Variants in ZNF568 observed in about 807,000 individuals in gnomAD.
The protein encoded by ZNF568 is p53 inhibitor of SCO2 activation.
Under a neutral mutation model 18.1 loss-of-function variants are expected in ZNF568, and 11 were observed. The ratio of observed to expected loss-of-function variants is 0.61; its 90% CI spans 0.38 to 1.00. The LOEUF is 1.00. Among genes scored for constraint, ZNF568 ranks in the 50% least tolerant of loss-of-function variants. The pLI, the probability that ZNF568 is intolerant of heterozygous loss-of-function variation, is 0.01. For synonymous variants in ZNF568, 213 were observed against 246.6 expected, an observed-to-expected ratio of 0.86 and a Z score of 1.28; for missense variants, 639 against 768.2, an observed-to-expected ratio of 0.83 and a Z score of 1.99.
At chr19:36,996,529 A>G in exon 5 of ZNF568, 1 of 1,536,226 alleles carries the variant, frequency 6.5e-7, no homozygotes, top group Non-Finnish European at 8.7e-7. Flanking sequence ...GTGGCTTCAT[A>G]CTGGAGAGAA....
At chr19:36,941,916 TTTTTTTAA>T (rs570886798) in intron 6 of ZNF568, among the ~76,000 whole-genome samples, 2,092 of 152,202 alleles carry the variant, frequency 0.014, 23 homozygotes, top group African/African-American at 0.025. Flanking sequence ...TATTTTTGAC[TTTTTTTAA>T]CTATCTCTTT....
In ZNF568 at chr19:36,972,883, T is replaced by C. The variant is rs1208417728; in HGVS notation, c.359-1537T>C. Among the ~76,000 whole-genome samples, 3 of 152,280 alleles carry C rather than the reference T, an allele frequency of 2.0e-5. No homozygotes were observed. In the South Asian group the frequency reaches 6.2e-4, roughly 32 times the overall value. ...TTAACTTCGCGGACTCTGGAAGCCC[T>C]GGCGGCGGGCCCGGCCGCCCCTTCC... On this transcript the variant is annotated intron_variant, in intron 6 of 7. Coordinates refer to the ZNF568 transcript ENST00000427117.
chr19:36,989,905 C>A (rs925784651), intron 2 of ZNF568, among the ~76,000 whole-genome samples: 1 of 151,892 alleles, frequency 6.6e-6, no homozygotes, highest in African/African-American at 2.4e-5. Flanking sequence ...GAAAACCAAT[C>A]CTTGCTGGAA....
chr19:36,997,566 G>A, downstream of ZNF568: 8 of 1,583,168 alleles, frequency 5.1e-6, no homozygotes, highest in Non-Finnish European at 6.8e-6. Context: ...AGGAGTGTGG[G>A]AAGCCCTTTG....
intron 3 of ZNF568, chr19:36,991,477 G>A: frequency 2.4e-6 from 2 of 834,356 alleles, no homozygotes; most frequent in South Asian, 4.9e-5. Context: ...GAAATTGGCT[G>A]TTCCAGCAGG....
rs1309208342 is a variant in ZNF568, at chr19:36,920,448, C to A, written c.-185-2138C>A. Among the ~76,000 whole-genome samples the A allele has an allele frequency of 4.6e-5, 7 of 151,730 alleles. No homozygotes were observed. The South Asian group carries it at 1.5e-3, about 32-fold the overall frequency. ...GACCAGGCTGACCAACATGGTGAAA[C>A]CCCGTCTCTACTAAAAATACAAAAA... On this transcript the variant is annotated intron_variant, in intron 2 of 6. Transcript: ENST00000333987.
At chr19:36,934,574 G>A (rs1336555687) in intron 4 of ZNF568, among the ~76,000 whole-genome samples, 5 of 151,938 alleles carry the variant, frequency 3.3e-5, no homozygotes, top group South Asian at 4.1e-4. Context: ...CGCCTGCCTC[G>A]GCCTTCCAGA....
Position 36,918,796 on chromosome 19 carries a change from C to G in ZNF568, c.-186+1148C>G, listed in dbSNP as rs144199899. Reference sequence around the variant, plus strand: ...CCTATCAAACAATAACTCTGTACCCCCCTTTCCCCCGGCCTATGGCATCTA... The same window carrying G: ...CCTATCAAACAATAACTCTGTACCCGCCTTTCCCCCGGCCTATGGCATCTA... On this transcript the variant is annotated intron_variant, in intron 2 of 6. Transcript: ENST00000333987. Among the ~76,000 whole-genome samples the G allele has an allele frequency of 6.3e-3, 961 of 152,248 alleles. 4 individuals are homozygous for G. Among genetic ancestry groups the G allele is most frequent in the South Asian group, 0.012 (59 of 4,816 alleles).
At chr19:36,962,251 A>AT (rs1383808503) in intron 6 of ZNF568, among the ~76,000 whole-genome samples, 2 of 23,866 alleles carry the variant, frequency 8.4e-5, no homozygotes, top group Non-Finnish European at 1.8e-4. Context: ...AGTTTACCTT[A>AT]TTTTCATGAT....
At chr19:36,917,946 G>GTTGTT (rs544621478) in intron 2 of ZNF568, among the ~76,000 whole-genome samples, 128 of 152,032 alleles carry the variant, frequency 8.4e-4, no homozygotes, top group African/African-American at 2.3e-3. Context: ...TGTTGTTGTT[G>GTTGTT]TTGTTTTGTT....
intron 7 of ZNF568, among the ~76,000 whole-genome samples, chr19:36,977,905 C>G (rs554193214): frequency 6.6e-6 from 1 of 152,344 alleles, no homozygotes; most frequent in South Asian, 2.1e-4. Flanking sequence ...GGAAATTCAC[C>G]TGCACTTACA....
chr19:36,921,460 CAA>C (rs909359163), intron 2 of ZNF568, among the ~76,000 whole-genome samples: 7 of 123,856 alleles, frequency 5.7e-5, no homozygotes, highest in South Asian at 2.6e-4. Flanking sequence ...AAACTCCATC[CAA>C]AAAAAAAAAA....
chr19:36,955,642 G>A (rs1600827428), downstream of ZNF568, among the ~76,000 whole-genome samples: 2 of 152,270 alleles, frequency 1.3e-5, no homozygotes, highest in East Asian at 3.9e-4. Flanking sequence ...ATGAGTTACT[G>A]CCTAGAGAGT....
exon 5 of ZNF568, chr19:36,996,464 G>A (rs2074472904): frequency 6.5e-7 from 1 of 1,536,286 alleles, no homozygotes; most frequent in African/African-American, 1.4e-5. Context: ...GGACATTTCA[G>A]ACCAGCTGTA....
At chr19:36,965,106 G>A (rs547963139) in intron 6 of ZNF568, among the ~76,000 whole-genome samples, 1 of 152,272 alleles carries the variant, frequency 6.6e-6, no homozygotes, top group East Asian at 1.9e-4. Flanking sequence ...TTTGATTATT[G>A]CTATGGTTTG....
At chr19:36,995,042 T>C (rs2074458096) in intron 4 of ZNF568, among the ~76,000 whole-genome samples, 1 of 152,228 alleles carries the variant, frequency 6.6e-6, no homozygotes, top group Non-Finnish European at 1.5e-5. Flanking sequence ...TTTTGGTTAC[T>C]CTTTGCATGG....
rs1225736545 is a variant in ZNF568 at position 36,925,255 on chromosome 19, T to A, written c.132T>A (p.Pro44=). Residue 44 remains proline (P), a synonymous_variant, in exon 4 of 7, where the codon CCT becomes CCA. Transcript: ENST00000333987. Reference sequence around the variant, plus strand: ...AGGAAGAAGAGGATACAACCAGGCCTCTTGTACGTCTTAAGCATTTATTTG... The same window carrying A: ...AGGAAGAAGAGGATACAACCAGGCCACTTGTACGTCTTAAGCATTTATTTG... ...LSEEEEDTTR[P]LETVTFKDVA... is the part of the protein sequence containing the mutation. 1 of 1,613,914 alleles carries A rather than the reference T, an allele frequency of 6.2e-7. No homozygotes were observed. The highest frequency in any genetic ancestry group is 1.7e-5 in the Admixed American group (1 of 60,024).
At chr19:36,962,277 G>GTTTTT (rs71177418) in intron 6 of ZNF568, among the ~76,000 whole-genome samples, 75 of 45,200 alleles carry the variant, frequency 1.7e-3, no homozygotes, top group Non-Finnish European at 1.9e-3. Flanking sequence ...GTGTTGCAGT[G>GTTTTT]TTTTTTTTTT....
intron 3 of ZNF568, 106 bp downstream of exon 3, chr19:36,922,952 T>C (rs2073483303): frequency 2.8e-5 from 25 of 880,984 alleles, no homozygotes; most frequent in Non-Finnish European, 2.5e-5. Flanking sequence ...CGTATGTTAA[T>C]TGACTAGGCA....
Sources: gnomAD v4.1 joint callset for allele counts (sites outside exome capture counted in the v4.1 genomes callset) on GRCh38, gnomAD v4.1.1 for gene constraint, MANE v1.5 for transcripts, NCBI Gene and HGNC (gene_info 2026-07-23, HGNC 2026-07-21) for gene names.